ARSB: variants seen among roughly 807,000 people sequenced by gnomAD.
ARSB encodes arylsulfatase B, also known as N-acetylgalactosamine-4-sulfatase.
In ARSB, 41 loss-of-function variants were observed where a neutral mutation model predicts 50.9. That is an observed-to-expected ratio of 0.81 (90% CI 0.63 to 1.04). The LOEUF (loss-of-function observed/expected upper bound fraction) is 1.04. ARSB is among the 50% of genes least tolerant of loss of function. The pLI, the probability that ARSB is intolerant of heterozygous loss-of-function variation, is 0.00. For missense variants in ARSB, 672 were observed against 693.3 expected, an observed-to-expected ratio of 0.97 and a Z score of 0.35; for synonymous variants, 269 against 284.8, an observed-to-expected ratio of 0.94 and a Z score of 0.56.
At chr5:78,850,545 C>T (rs1271928804) in intron 5 of ARSB, among the ~76,000 whole-genome samples, 2 of 152,086 alleles carry the variant, frequency 1.3e-5, no homozygotes, top group African/African-American at 2.4e-5. Flanking sequence ...CTCTGCCTGG[C>T]TTTGGTATCA....
intron 5 of ARSB, among the ~76,000 whole-genome samples, chr5:78,881,174 G>A (rs943702700): frequency 3.3e-5 from 5 of 152,110 alleles, no homozygotes; most frequent in African/African-American, 1.2e-4. Flanking sequence ...AGAGATCGCA[G>A]TGAGCCAAGA....
At chr5:78,939,726 G>A (rs1302029336) in intron 4 of ARSB, among the ~76,000 whole-genome samples, 2 of 152,112 alleles carry the variant, frequency 1.3e-5, no homozygotes, top group Admixed American at 6.6e-5. Context: ...ATTGTGAATA[G>A]TGCCGCAATA....
Position 78,885,629 on chromosome 5 carries a change from T to C in ARSB, c.1097A>G (p.Asn366Ser). The change falls in exon 5 of 8, where the codon AAT becomes AGT. Residue 366 changes from asparagine to serine, a missense_variant. Asn to Ser is a conservative substitution (Grantham distance 46, BLOSUM62 1). Coordinates refer to ENST00000264914, the MANE Select transcript of ARSB (RefSeq NM_000046.5). ...GAAGCCATCCAGAGGCTTTGTGCCA[T>C]TGGTGTGTCCCCTGGCCAGCTTCAC... ...TLVKLARGHT[N>S]GTKPLDGFDV... 1 of 1,614,088 alleles carries C rather than the reference T, an allele frequency of 6.2e-7. No homozygotes were observed. The highest frequency in any genetic ancestry group is 8.5e-7 in the Non-Finnish European group (1 of 1,180,018).
chr5:78,781,348 TG>T (rs1748921044), intron 7 of ARSB, among the ~76,000 whole-genome samples: 4 of 146,112 alleles, frequency 2.7e-5, no homozygotes, highest in Non-Finnish European at 4.5e-5. Context: ...TTTTTTTTTT[TG>T]GTTAGGACGA....
intron 4 of ARSB, among the ~76,000 whole-genome samples, chr5:78,933,895 A>G (rs1750463960): frequency 1.3e-5 from 2 of 152,334 alleles, no homozygotes; most frequent in Non-Finnish European, 2.9e-5. Context: ...AAGTTAAAGA[A>G]GGAAGAATAG....
At chr5:78,813,762 C>CA (rs527240494) in intron 6 of ARSB, among the ~76,000 whole-genome samples, 20 of 142,072 alleles carry the variant, frequency 1.4e-4, no homozygotes, top group Admixed American at 1.4e-4. Context: ...TCTCACAAAA[C>CA]AAAAAAAAAA....
intron 4 of ARSB, among the ~76,000 whole-genome samples, chr5:78,942,229 AC>A (rs1235936489): frequency 6.6e-6 from 1 of 152,086 alleles, no homozygotes; most frequent in Non-Finnish European, 1.5e-5. Context: ...TTTTCAAAAA[AC>A]CAGCTCCTGG....
intron 4 of ARSB, among the ~76,000 whole-genome samples, chr5:78,906,939 T>C (rs1261572523): frequency 1.3e-5 from 2 of 152,162 alleles, no homozygotes; most frequent in African/African-American, 2.4e-5. Flanking sequence ...AAACAATTAT[T>C]TGACACACCT....
intron 1 of ARSB, among the ~76,000 whole-genome samples, chr5:78,974,943 G>A (rs1449560695): frequency 6.6e-6 from 1 of 152,178 alleles, no homozygotes; most frequent in Non-Finnish European, 1.5e-5. Context: ...CCCTAAAGGA[G>A]CACAGAAATA....
intron 5 of ARSB, among the ~76,000 whole-genome samples, chr5:78,865,612 C>A (rs1436415769): frequency 6.6e-6 from 1 of 152,176 alleles, no homozygotes; most frequent in Non-Finnish European, 1.5e-5. Context: ...AATTTCTACT[C>A]AGAAAATGGA....
chr5:78,840,753 T>C (rs1302398037), intron 5 of ARSB, among the ~76,000 whole-genome samples: 1 of 124,708 alleles, frequency 8.0e-6, no homozygotes, highest in Non-Finnish European at 1.6e-5. Flanking sequence ...CCCACGGTCC[T>C]GGGACAGCAG....
At chr5:78,836,340 T>C (rs988872750) in intron 6 of ARSB, among the ~76,000 whole-genome samples, 2 of 152,180 alleles carry the variant, frequency 1.3e-5, no homozygotes, top group African/African-American at 4.8e-5. Flanking sequence ...TGGTTCTACA[T>C]CCTTGCAAGA....
At chr5:78,837,160 C>T (rs1486627120) in intron 6 of ARSB, among the ~76,000 whole-genome samples, 1 of 152,172 alleles carries the variant, frequency 6.6e-6, no homozygotes, top group Non-Finnish European at 1.5e-5. Flanking sequence ...AAATGCCAAA[C>T]CAAAATACAG....
At chr5:78,810,341 G>A (rs1268884250) in intron 6 of ARSB, among the ~76,000 whole-genome samples, 6 of 152,226 alleles carry the variant, frequency 3.9e-5, no homozygotes, top group Non-Finnish European at 5.9e-5. Context: ...GAACTGAGTT[G>A]TGAAATGACA....
chr5:78,938,737 C>A (rs761919182), intron 4 of ARSB, among the ~76,000 whole-genome samples: 1 of 152,078 alleles, frequency 6.6e-6, no homozygotes, highest in Non-Finnish European at 1.5e-5. Flanking sequence ...GGAAAAGGGA[C>A]GTAAGATTTA....
chr5:78,826,985 C>T (rs1744460909), intron 6 of ARSB, among the ~76,000 whole-genome samples: 1 of 152,046 alleles, frequency 6.6e-6, no homozygotes, highest in African/African-American at 2.4e-5. Context: ...GGAAAGGGCA[C>T]CTACAGGGGG....
chr5:78,933,332 T>C (rs528618677), intron 4 of ARSB, among the ~76,000 whole-genome samples: 2 of 152,214 alleles, frequency 1.3e-5, no homozygotes, highest in African/African-American at 4.8e-5. Context: ...AAGAAATCAG[T>C]CCATGGATCC....
chr5:78,955,595 T>C (rs1751689868), intron 3 of ARSB, 93 bp from the exon 4 acceptor site: 2 of 1,047,712 alleles, frequency 1.9e-6, no homozygotes, highest in South Asian at 2.6e-5. Context: ...TTAATAAAAA[T>C]AATATCAAGA....
At chr5:78,951,561 T>G (rs1265512664) in intron 4 of ARSB, among the ~76,000 whole-genome samples, 1 of 152,042 alleles carries the variant, frequency 6.6e-6, no homozygotes, top group Non-Finnish European at 1.5e-5. Flanking sequence ...TTCAACACAG[T>G]AATTAAAGAT....
Sources: gnomAD v4.1 joint callset for allele counts (sites outside exome capture counted in the v4.1 genomes callset) on GRCh38, gnomAD v4.1.1 for gene constraint, MANE v1.5 for transcripts, NCBI Gene and HGNC (gene_info 2026-07-23, HGNC 2026-07-21) for gene names.